Variants in HS3ST4 observed in about 807,000 individuals in gnomAD.
The protein encoded by HS3ST4 is heparan sulfate-glucosamine 3-sulfotransferase 4.
Under a neutral mutation model 29.2 loss-of-function variants are expected in HS3ST4, and 17 were observed. The ratio of observed to expected loss-of-function variants is 0.58; its 90% CI spans 0.40 to 0.87. The LOEUF is 0.87. Ranked by LOEUF, HS3ST4 falls within the 40% of genes least tolerant of loss-of-function variation. The pLI is 0.00. For synonymous variants in HS3ST4, 314 were observed against 285.7 expected, an observed-to-expected ratio of 1.10 and a Z score of -1.00; for missense variants, 627 against 634.5, an observed-to-expected ratio of 0.99 and a Z score of 0.13.
intron 1 of HS3ST4, among the ~76,000 whole-genome samples, chr16:25,809,811 T>G (rs1967024228): frequency 6.6e-6 from 1 of 152,184 alleles, no homozygotes; most frequent in South Asian, 2.1e-4. Context: ...ATCTTTTTAA[T>G]GATCCCAGGA....
intron 1 of HS3ST4, among the ~76,000 whole-genome samples, chr16:26,047,512 A>G (rs1218829795): frequency 6.6e-6 from 1 of 152,128 alleles, no homozygotes; most frequent in African/African-American, 2.4e-5. Flanking sequence ...ATCTAGTTTA[A>G]TCCTTAAAAC....
chr16:25,936,229 C>G (rs553781181), intron 1 of HS3ST4, among the ~76,000 whole-genome samples: 92 of 152,288 alleles, frequency 6.0e-4, no homozygotes, highest in African/African-American at 2.2e-3. Context: ...GAGAGACTTC[C>G]TTTAATGATC....
chr16:26,124,482 A>C (rs1023408271), intron 1 of HS3ST4, among the ~76,000 whole-genome samples: 3 of 152,228 alleles, frequency 2.0e-5, no homozygotes, highest in Non-Finnish European at 4.4e-5. Context: ...GGATAAGTAA[A>C]GTGGGTTCCA....
intron 1 of HS3ST4, among the ~76,000 whole-genome samples, chr16:25,704,078 A>G (rs1488161847): frequency 2.6e-5 from 4 of 152,226 alleles, no homozygotes; most frequent in Admixed American, 2.0e-4. Context: ...TAGATGCTCA[A>G]TGCATGGTGA....
chr16:25,918,669 G>A (rs779770548), intron 1 of HS3ST4, among the ~76,000 whole-genome samples: 7 of 152,210 alleles, frequency 4.6e-5, no homozygotes, highest in African/African-American at 9.7e-5. Flanking sequence ...GGAATAAAGC[G>A]CCAGCCAGTG....
chr16:25,884,836 G>T (rs912560033), intron 1 of HS3ST4, among the ~76,000 whole-genome samples: 3 of 152,146 alleles, frequency 2.0e-5, no homozygotes, highest in Non-Finnish European at 4.4e-5. Flanking sequence ...AAACTGCTAG[G>T]ATTGTTAGGA....
intron 1 of HS3ST4, among the ~76,000 whole-genome samples, chr16:25,737,775 C>T (rs535272704): frequency 6.6e-6 from 1 of 152,262 alleles, no homozygotes; most frequent in East Asian, 1.9e-4. Context: ...GATAATGAAA[C>T]AAGGCAATTT....
intron 1 of HS3ST4, among the ~76,000 whole-genome samples, chr16:25,943,058 A>G (rs997061224): frequency 3.9e-5 from 6 of 152,252 alleles, no homozygotes; most frequent in Admixed American, 1.3e-4. Flanking sequence ...AACCATAACC[A>G]TAATTCTAAT....
intron 1 of HS3ST4, among the ~76,000 whole-genome samples, chr16:25,884,050 T>C (rs2141665402): frequency 6.6e-6 from 1 of 151,942 alleles, no homozygotes; most frequent in South Asian, 2.1e-4. Flanking sequence ...GAGACTGAGG[T>C]TGCAGTGAGC....
At chr16:25,904,124 ATGG>A (rs1968152264) in intron 1 of HS3ST4, among the ~76,000 whole-genome samples, 4 of 111,546 alleles carry the variant, frequency 3.6e-5, no homozygotes, top group Admixed American at 8.2e-5. Flanking sequence ...GGATGGATGG[ATGG>A]ATGGATGGAT....
In HS3ST4 at chr16:25,692,486, C is replaced by T. The variant is rs559373623; in HGVS notation, c.69C>T (p.Pro23=). Residue 23 remains proline (P), a synonymous_variant, in exon 1 of 2, where the codon CCC becomes CCT. Coordinates refer to ENST00000331351, the MANE Select transcript of HS3ST4 (RefSeq NM_006040.3). ...PPPPLAAPPP[P]GASAKGPPAR... Reference sequence around the variant, plus strand: ...CACCTCTGGCCGCGCCGCCGCCGCCCGGCGCCTCTGCTAAGGGGCCGCCGG... The same window carrying T: ...CACCTCTGGCCGCGCCGCCGCCGCCTGGCGCCTCTGCTAAGGGGCCGCCGG... 235 of 1,372,758 alleles carry T rather than the reference C, an allele frequency of 1.7e-4. No individual in the cohort carries two copies. The African/African-American group carries it at 3.3e-3, about 19-fold the overall frequency. The allele number at this position is 1,372,758 out of a possible 1,614,324, so 85.0% of individuals were successfully genotyped here. A position where few individuals can be genotyped will look rare whatever the true frequency, so the allele number is the denominator to read the frequency against.
At chr16:25,904,366 G>A (rs529952471) in intron 1 of HS3ST4, among the ~76,000 whole-genome samples, 1 of 152,284 alleles carries the variant, frequency 6.6e-6, no homozygotes, top group South Asian at 2.1e-4. Flanking sequence ...CATCATGCTG[G>A]TCAAGCATTT....
chr16:26,106,981 C>T (rs1899065741), intron 1 of HS3ST4, among the ~76,000 whole-genome samples: 1 of 152,082 alleles, frequency 6.6e-6, no homozygotes, highest in Admixed American at 6.6e-5. Context: ...CATTCTAGCC[C>T]TCGACTATCT....
chr16:25,771,584 A>G (rs1299157961), intron 1 of HS3ST4, among the ~76,000 whole-genome samples: 1 of 152,090 alleles, frequency 6.6e-6, no homozygotes, highest in African/African-American at 2.4e-5. Context: ...CTGTGGAAAG[A>G]ACGGGTTGCT....
At chr16:25,921,298 A>G (rs1968350508) in intron 1 of HS3ST4, among the ~76,000 whole-genome samples, 1 of 152,210 alleles carries the variant, frequency 6.6e-6, no homozygotes, top group African/African-American at 2.4e-5. Flanking sequence ...AAATTTACTG[A>G]GCCCTCACTA....
intron 1 of HS3ST4, among the ~76,000 whole-genome samples, chr16:25,888,900 T>C (rs996116555): frequency 2.0e-5 from 3 of 152,280 alleles, no homozygotes; most frequent in Non-Finnish European, 4.4e-5. Context: ...ATCCATTAAA[T>C]CAGCTTCCAT....
chr16:25,714,369 G>A (rs1189595474), intron 1 of HS3ST4, among the ~76,000 whole-genome samples: 3 of 152,160 alleles, frequency 2.0e-5, no homozygotes, highest in African/African-American at 7.2e-5. Flanking sequence ...CATTGATAGA[G>A]TACGATGACA....
At chr16:25,828,301 C>CTGT (rs1555467593) in intron 1 of HS3ST4, among the ~76,000 whole-genome samples, 2 of 32,898 alleles carry the variant, frequency 6.1e-5, no homozygotes, top group African/African-American at 2.5e-4. Context: ...TCTTTCTTTC[C>CTGT]CTCTCTCTCT....
chr16:25,993,982 G>A (rs1310126147), intron 1 of HS3ST4, among the ~76,000 whole-genome samples: 5 of 127,966 alleles, frequency 3.9e-5, no homozygotes, highest in African/African-American at 1.3e-4. Context: ...GTGTGTGTGT[G>A]TGTGTGTGTG....
Sources: gnomAD v4.1 joint callset for allele counts (sites outside exome capture counted in the v4.1 genomes callset) on GRCh38, gnomAD v4.1.1 for gene constraint, MANE v1.5 for transcripts, NCBI Gene and HGNC (gene_info 2026-07-23, HGNC 2026-07-21) for gene names.